Variants in FRMPD4 observed in about 807,000 individuals in gnomAD.
FRMPD4 encodes the protein FERM and PDZ domain containing 4, also known as FERM and PDZ domain-containing protein 4.
FRMPD4 carries 22 observed loss-of-function variants against 94.1 expected under a neutral mutation model. The observed-to-expected ratio is 0.23, with a 90% confidence interval of 0.17 to 0.33. The LOEUF (loss-of-function observed/expected upper bound fraction) is 0.33, where lower values mean the gene tolerates loss of function less well. Ranked by LOEUF, FRMPD4 falls within the 10% of genes least tolerant of loss-of-function variation. The pLI, the probability that FRMPD4 is intolerant of heterozygous loss-of-function variation, is 1.00. For synonymous variants in FRMPD4, 631 were observed against 548.6 expected (o/e 1.15, Z -2.10); for missense variants, 1,111 against 1,339.9 (o/e 0.83, Z 2.67).
At chrX:11,995,013 G>T (rs2054489142) in intron 3 of FRMPD4, among the ~76,000 whole-genome samples, 1 of 111,064 alleles carries the variant, frequency 9.0e-6, no homozygotes, top group Non-Finnish European at 1.9e-5. Context: ...TTTTTTCCTG[G>T]TTACTTTTCC....
chrX:12,581,333 G>A (rs771956797), intron 2 of FRMPD4, among the ~76,000 whole-genome samples: 1 of 112,173 alleles, frequency 8.9e-6, no homozygotes, highest in East Asian at 2.8e-4. Context: ...GAGACCAGGT[G>A]CAGATGAGCA....
intron 1 of FRMPD4, among the ~76,000 whole-genome samples, chrX:12,150,974 G>A (rs934610639): frequency 9.0e-6 from 1 of 111,645 alleles, no homozygotes; most frequent in African/African-American, 3.3e-5. Context: ...ACTATACTAA[G>A]TGAAAGGCAT....
rs760959110 is a variant in FRMPD4 at position 11,890,805 on chromosome X, G to A, written c.95+12787G>A. 5.3e-5 allele frequency among the ~76,000 whole-genome samples: 6 copies of A among 112,668 alleles called. No homozygotes were observed. The South Asian group carries it at 2.2e-3, about 42-fold the overall frequency. On this transcript the variant is annotated intron_variant, in intron 3 of 18. Transcript: ENST00000640291. ...ACTGCCATATGGCAGCGGTGAAGGAGTCTAAATGTTTAAAGGAAGAGAGTG... is the reference window on the plus strand; with the variant it reads ...ACTGCCATATGGCAGCGGTGAAGGAATCTAAATGTTTAAAGGAAGAGAGTG...
chrX:12,503,734 C>G (rs181735919), intron 2 of FRMPD4, among the ~76,000 whole-genome samples: 1 of 112,071 alleles, frequency 8.9e-6, no homozygotes, highest in East Asian at 2.8e-4. Context: ...AAAGCCTTAC[C>G]TCATTCTTCT....
intron 1 of FRMPD4, among the ~76,000 whole-genome samples, chrX:12,193,968 A>G (rs1288018027): frequency 2.8e-5 from 3 of 108,738 alleles, no homozygotes; most frequent in Non-Finnish European, 5.7e-5. Flanking sequence ...CTTGTACAGT[A>G]CCTGCCTGAA....
intron 1 of FRMPD4, among the ~76,000 whole-genome samples, chrX:12,239,138 T>A (rs999371173): frequency 8.9e-6 from 1 of 112,457 alleles, no homozygotes; most frequent in African/African-American, 3.2e-5. Context: ...CAAGTACCAC[T>A]TTTGTTCTCA....
chrX:12,065,184 A>G (rs778046370), intron 3 of FRMPD4, among the ~76,000 whole-genome samples: 11 of 112,285 alleles, frequency 9.8e-5, no homozygotes, highest in Non-Finnish European at 1.5e-4. Context: ...CTAGAAGGAA[A>G]TAAATCACTA....
At chrX:11,981,550 G>A (rs1354463962) in intron 3 of FRMPD4, among the ~76,000 whole-genome samples, 2 of 111,076 alleles carry the variant, frequency 1.8e-5, no homozygotes, top group Non-Finnish European at 3.8e-5. Context: ...CTAATTCTCT[G>A]ACTTCAGTTT....
chrX:12,231,050 A>AAAT lies in FRMPD4; in HGVS notation c.41+92039_41+92040insATA, dbSNP rs1569199811. 6.9e-3 allele frequency among the ~76,000 whole-genome samples: 210 copies of AAAT among 30,536 alleles called. 2 individuals carry two copies. Among genetic ancestry groups the AAAT allele is most frequent in the African/African-American group, 0.02 (194 of 9,507 alleles). The allele number at this position is 30,536 out of a possible 115,157, so 26.5% of individuals were successfully genotyped here. The stretch of plus-strand genomic sequence containing the variant: ...ATATAGTATATATATATATATATAA[A>AAAT]ATATATATATATATATATATATATA... On this transcript the variant is annotated intron_variant, in intron 1 of 16. Coordinates refer to ENST00000675598, the MANE Select transcript of FRMPD4 (RefSeq NM_001368397.1).
In FRMPD4 at chrX:12,180,759, G is replaced by A. The variant is rs779943964; in HGVS notation, c.41+41747G>A. ...GTAATTACCCAAACCTGACATTGTA[G>A]CATGAAAGCAGCCATAGACAGTATG... On this transcript the variant is annotated intron_variant, in intron 1 of 16. Coordinates refer to ENST00000675598, the MANE Select transcript of FRMPD4 (RefSeq NM_001368397.1). 2.7e-5 allele frequency among the ~76,000 whole-genome samples: 3 copies of A among 112,570 alleles called. No homozygotes were observed. In the South Asian group the frequency reaches 1.1e-3, roughly 42 times the overall value.
chrX:11,893,715 A>C (rs1019429558), intron 3 of FRMPD4, among the ~76,000 whole-genome samples: 1 of 111,715 alleles, frequency 9.0e-6, no homozygotes, highest in Non-Finnish European at 1.9e-5. Context: ...GTGGTAAGGT[A>C]CTTAACTCTG....
chrX:12,473,220 A>AT lies in FRMPD4; in HGVS notation c.42-25459dup, dbSNP rs910253250. ...TTCATAACCAGCCAAGCTAACCTTC[A>AT]TAAGTGAAGGAGAAATAAAATCCTT... On this transcript the variant is annotated intron_variant, in intron 1 of 16. Transcript: ENST00000675598. Among the ~76,000 whole-genome samples the AT allele has an allele frequency of 1.1e-3, 120 of 109,922 alleles. 6 individuals carry two copies. Among genetic ancestry groups the AT allele is most frequent in the African/African-American group, 3.9e-3 (112 of 28,987 alleles).
At chrX:12,171,523 G>C (rs995227744) in intron 1 of FRMPD4, among the ~76,000 whole-genome samples, 1 of 111,206 alleles carries the variant, frequency 9.0e-6, no homozygotes, top group Non-Finnish European at 1.9e-5. Flanking sequence ...AGAGCTTGGG[G>C]TATGTGCTTC....
At chrX:12,222,123 C>T (rs1030268296) in intron 1 of FRMPD4, among the ~76,000 whole-genome samples, 3 of 111,311 alleles carry the variant, frequency 2.7e-5, no homozygotes, top group African/African-American at 6.5e-5. Flanking sequence ...GCTTGAGCTT[C>T]GGAGTTCGAG....
intron 1 of FRMPD4, among the ~76,000 whole-genome samples, chrX:12,274,109 G>A (rs746339403): frequency 2.0e-4 from 21 of 107,364 alleles, no homozygotes; most frequent in African/African-American, 6.3e-4. Flanking sequence ...CTATGGGTTC[G>A]GGGGGCCCCT....
At chrX:12,417,368 C>G (rs1379453950) in intron 1 of FRMPD4, among the ~76,000 whole-genome samples, 8 of 108,981 alleles carry the variant, frequency 7.3e-5, no homozygotes, top group Non-Finnish European at 5.7e-5. Flanking sequence ...CACCTGCGGT[C>G]AGGAGTTCTA....
At chrX:12,066,821 A>G (rs2147466155) in intron 3 of FRMPD4, among the ~76,000 whole-genome samples, 1 of 107,439 alleles carries the variant, frequency 9.3e-6, no homozygotes, top group South Asian at 4.1e-4. Flanking sequence ...TTTATATTCC[A>G]AATACCTAAA....
At chrX:12,319,093 T>A (rs1001922078) in intron 1 of FRMPD4, among the ~76,000 whole-genome samples, 1 of 111,587 alleles carries the variant, frequency 9.0e-6, no homozygotes, top group Admixed American at 9.5e-5. Flanking sequence ...GTGTCCCTTG[T>A]CCCTTCATTG....
intron 2 of FRMPD4, among the ~76,000 whole-genome samples, chrX:11,868,194 G>A (rs2053733156): frequency 1.8e-5 from 2 of 111,935 alleles, no homozygotes; most frequent in Admixed American, 1.9e-4. Context: ...CTGTTCTTCT[G>A]TTTCACTTGG....
Sources: gnomAD v4.1 joint callset for allele counts (sites outside exome capture counted in the v4.1 genomes callset) on GRCh38, gnomAD v4.1.1 for gene constraint, MANE v1.5 for transcripts, NCBI Gene and HGNC (gene_info 2026-07-23, HGNC 2026-07-21) for gene names.